CREB5: variants seen among roughly 807,000 people sequenced by gnomAD.
The protein encoded by CREB5 is cAMP responsive element binding protein 5, also known as cyclic AMP-responsive element-binding protein 5.
A neutral mutation model predicts 57.1 loss-of-function variants in CREB5; 19 were observed. The observed-to-expected ratio is 0.33, with a 90% confidence interval of 0.23 to 0.49. CREB5 has a LOEUF of 0.49. Among genes scored for constraint, CREB5 ranks in the 20% least tolerant of loss-of-function variants. The pLI, the probability that CREB5 is intolerant of heterozygous loss-of-function variation, is 0.99. For missense variants in CREB5, 579 were observed against 671.6 expected (o/e 0.86, Z 1.52); for synonymous variants, 238 against 238.3 (o/e 1.00, Z 0.01).
intron 5 of CREB5, among the ~76,000 whole-genome samples, chr7:28,592,591 T>C (rs1054767018): frequency 1.3e-5 from 2 of 152,168 alleles, no homozygotes; most frequent in African/African-American, 4.8e-5. Flanking sequence ...GTTAGCTCAG[T>C]GGGCAGAGGC....
chr7:28,519,024 A>T (rs892968517), intron 4 of CREB5, among the ~76,000 whole-genome samples: 2 of 152,240 alleles, frequency 1.3e-5, no homozygotes, highest in African/African-American at 4.8e-5. Context: ...AGATTCATAC[A>T]TCACTAGAGC....
At chr7:28,720,738 A>G (rs1414490020) in intron 6 of CREB5, among the ~76,000 whole-genome samples, 1 of 152,334 alleles carries the variant, frequency 6.6e-6, no homozygotes, top group African/African-American at 2.4e-5. Context: ...CAATGCAATT[A>G]TCCCACATTT....
At chr7:28,437,550 T>C (rs535504904) in intron 1 of CREB5, among the ~76,000 whole-genome samples, 1 of 152,310 alleles carries the variant, frequency 6.6e-6, no homozygotes, top group South Asian at 2.1e-4. Flanking sequence ...TTACCAAATA[T>C]TTTAGTGAGT....
Position 28,820,915 on chromosome 7 carries a change from TTATTC to T in CREB5, c.*1638_*1642del, listed in dbSNP as rs1250813235. 6.6e-6 allele frequency: 1 copy of T among 152,588 alleles called. No individual in the cohort carries two copies. Among genetic ancestry groups the T allele is most frequent in the African/African-American group, 2.4e-5 (1 of 41,444 alleles). 9.5% of individuals were successfully genotyped at this position (152,588 alleles called of 1,614,324 possible). ...ACCCAGCCTACTTCACTCTTCTGAA[TTATTC>T]TGATTTATTTTCAACAACTTTTGTG... On this transcript the variant is annotated 3_prime_UTR_variant, in exon 11 of 11. Coordinates refer to ENST00000357727, the MANE Select transcript of CREB5 (RefSeq NM_182898.4).
Position 28,545,956 on chromosome 7 carries a change from G to A in CREB5, c.292-24409G>A, listed in dbSNP as rs181097353. 1.1e-4 allele frequency among the ~76,000 whole-genome samples: 16 copies of A among 152,280 alleles called. No individual in the cohort carries two copies. The East Asian group carries it at 2.7e-3, about 26-fold the overall frequency. ...CTCTGCAGCATTCCGTCATCTGAAT[G>A]TACCCATTTTATTTATCCATTTCTA... On this transcript the variant is annotated intron_variant, in intron 4 of 10. Transcript: ENST00000357727.
At chr7:28,555,212 A>C (rs1342816126) in intron 4 of CREB5, among the ~76,000 whole-genome samples, 1 of 152,134 alleles carries the variant, frequency 6.6e-6, no homozygotes, top group Non-Finnish European at 1.5e-5. Flanking sequence ...ATGGAGCAAC[A>C]TACAAGACAA....
At chr7:28,338,116 T>A (rs541774625) in intron 1 of CREB5, among the ~76,000 whole-genome samples, 1 of 152,302 alleles carries the variant, frequency 6.6e-6, no homozygotes, top group East Asian at 1.9e-4. Context: ...AATTGGTTCA[T>A]ATTTTAGTTT....
At chr7:28,415,994 C>T (rs912051527) in intron 1 of CREB5, among the ~76,000 whole-genome samples, 4 of 151,942 alleles carry the variant, frequency 2.6e-5, no homozygotes, top group Non-Finnish European at 5.9e-5. Flanking sequence ...AAAACTTGAC[C>T]AATCATAACC....
chr7:28,590,727 C>T (rs188800325), intron 5 of CREB5, among the ~76,000 whole-genome samples: 17 of 151,260 alleles, frequency 1.1e-4, no homozygotes, highest in African/African-American at 3.9e-4. Flanking sequence ...AACTGAAATC[C>T]AAGTTACTCT....
intron 5 of CREB5, chr7:28,615,290 G>A (rs1453938294): frequency 6.6e-6 from 1 of 152,254 alleles, no homozygotes. Flanking sequence ...AGGTGGCAGT[G>A]TAGCCCCTGG....
chr7:28,560,963 T>TGCGAGCGC (rs1194418363), intron 4 of CREB5, among the ~76,000 whole-genome samples: 1 of 48,108 alleles, frequency 2.1e-5, no homozygotes, highest in Non-Finnish European at 3.9e-5. Flanking sequence ...TGTGTGTGCG[T>TGCGAGCGC]GTGTGTGTGC....
At chr7:28,642,135 A>G (rs1463435674) in intron 5 of CREB5, among the ~76,000 whole-genome samples, 1 of 152,254 alleles carries the variant, frequency 6.6e-6, no homozygotes, top group Non-Finnish European at 1.5e-5. Flanking sequence ...TAAGTTCAGC[A>G]TGAACTGGTT....
At chr7:28,398,702 G>A (rs1787386783) in intron 1 of CREB5, among the ~76,000 whole-genome samples, 1 of 152,076 alleles carries the variant, frequency 6.6e-6, no homozygotes. Flanking sequence ...GGTAAGATCA[G>A]ACAATTAATA....
intron 8 of CREB5, among the ~76,000 whole-genome samples, chr7:28,805,570 T>A (rs1318441638): frequency 6.6e-6 from 1 of 152,086 alleles, no homozygotes; most frequent in Admixed American, 6.5e-5. Flanking sequence ...TGAGCCCCCC[T>A]CCATTAACAT....
At chr7:28,667,603 G>GA (rs67452825) in intron 5 of CREB5, among the ~76,000 whole-genome samples, 5 of 150,912 alleles carry the variant, frequency 3.3e-5, no homozygotes, top group Admixed American at 6.6e-5. Context: ...AGAGAGAAAA[G>GA]AAAAAAAAGA....
intron 5 of CREB5, among the ~76,000 whole-genome samples, chr7:28,701,675 C>T (rs1801866978): frequency 1.3e-5 from 2 of 152,088 alleles, no homozygotes; most frequent in Admixed American, 1.3e-4. Flanking sequence ...ATTCCAGCTG[C>T]CCAAGTTGTT....
chr7:28,649,042 A>G (rs760717642), intron 5 of CREB5, among the ~76,000 whole-genome samples: 2 of 152,186 alleles, frequency 1.3e-5, no homozygotes, highest in Non-Finnish European at 2.9e-5. Flanking sequence ...TGGTTTTCGT[A>G]GGTGTGCAGA....
At chr7:28,806,346 G>T (rs1185891873) in intron 8 of CREB5, among the ~76,000 whole-genome samples, 3 of 152,108 alleles carry the variant, frequency 2.0e-5, no homozygotes, top group Non-Finnish European at 2.9e-5. Context: ...CATTTAGGCA[G>T]TATCCCAAAA....
intron 5 of CREB5, among the ~76,000 whole-genome samples, chr7:28,695,702 C>T (rs1324022473): frequency 6.6e-6 from 1 of 152,172 alleles, no homozygotes; most frequent in Admixed American, 6.5e-5. Context: ...TGCCTGAGCC[C>T]TGGCTACACT....
Sources: allele counts gnomAD v4.1 joint callset (sites outside exome capture counted in the v4.1 genomes callset), GRCh38; gene constraint gnomAD v4.1.1; transcripts MANE v1.5; gene names NCBI Gene and HGNC (gene_info 2026-07-23, HGNC 2026-07-21).